Variants in PNPT1 observed in about 807,000 individuals in gnomAD.
The protein encoded by PNPT1 is polyribonucleotide nucleotidyltransferase 1, mitochondrial.
PNPT1 carries 53 observed loss-of-function variants against 119.5 expected under a neutral mutation model. The ratio of observed to expected loss-of-function variants is 0.44; its 90% CI spans 0.36 to 0.56. The LOEUF (loss-of-function observed/expected upper bound fraction) is 0.56, where lower values mean the gene tolerates loss of function less well. Among genes scored for constraint, PNPT1 ranks in the 20% least tolerant of loss-of-function variants. PNPT1 has a pLI of 0.00. For synonymous variants in PNPT1, 357 were observed against 322.1 expected, an observed-to-expected ratio of 1.11 and a Z score of -1.16; for missense variants, 948 against 938.5, an observed-to-expected ratio of 1.01 and a Z score of -0.13.
chr2:55,663,899 C>T (rs1696656196), intron 13 of PNPT1, among the ~76,000 whole-genome samples: 1 of 152,008 alleles, frequency 6.6e-6, no homozygotes, highest in Middle Eastern at 3.2e-3. Context: ...AGGAGAATGG[C>T]AGGGGCATGA....
At chr2:55,637,188 G>T (rs1392061364) in intron 27 of PNPT1, among the ~76,000 whole-genome samples, 1 of 152,130 alleles carries the variant, frequency 6.6e-6, no homozygotes, top group Admixed American at 6.5e-5. Context: ...TTTAAGTAGT[G>T]GAGAAACAAA....
At chr2:55,645,175 C>A (rs1398020438) in intron 22 of PNPT1, 174 bp downstream of exon 22, 1 of 426,376 alleles carries the variant, frequency 2.3e-6, no homozygotes, top group Admixed American at 4.2e-5. Context: ...AGGCGCCCGC[C>A]ACCACGCCCG....
chr2:55,647,953 T>C (rs1048784828), intron 18 of PNPT1, among the ~76,000 whole-genome samples: 2 of 152,246 alleles, frequency 1.3e-5, no homozygotes, highest in Non-Finnish European at 2.9e-5. Context: ...CCTAAAACAA[T>C]GTAAACAAGT....
intron 1 of PNPT1, among the ~76,000 whole-genome samples, chr2:55,691,504 C>T (rs1475827809): frequency 6.6e-6 from 1 of 152,146 alleles, no homozygotes; most frequent in Admixed American, 6.5e-5. Flanking sequence ...GTTATTTCAA[C>T]ACATGACACG....
chr2:55,660,263 A>G, intron 14 of PNPT1, 70 bp from the exon 15 acceptor site: 1 of 1,459,862 alleles, frequency 6.8e-7, no homozygotes, highest in East Asian at 2.4e-5. Flanking sequence ...ACACAACTAA[A>G]ACAGATTTAA....
rs1429529946 is a variant in PNPT1 at position 55,667,882 on chromosome 2, A to T, written c.1053T>A (p.Ile351=). ...NVVAKEVFRS[I]VLNEYKRCDG... ...TTTACCTTTTGTATTCATTCAAAACAATACTTCTAAAAACTTCCTTTGCAA... is the reference window on the plus strand; with the variant it reads ...TTTACCTTTTGTATTCATTCAAAACTATACTTCTAAAAACTTCCTTTGCAA... Residue 351 remains isoleucine (I), a synonymous_variant, in exon 12 of 28, where the codon ATT becomes ATA. Coordinates refer to ENST00000447944, the MANE Select transcript of PNPT1 (RefSeq NM_033109.5). 3.1e-6 allele frequency: 5 copies of T among 1,597,204 alleles called. No homozygotes were observed. Among genetic ancestry groups the T allele is most frequent in the Non-Finnish European group, 4.3e-6 (5 of 1,175,550 alleles).
At chr2:55,691,878 A>ATATATATATATTTTTTTTTTTTT (rs1326804958) in intron 1 of PNPT1, among the ~76,000 whole-genome samples, 1 of 33,124 alleles carries the variant, frequency 3.0e-5, no homozygotes, top group Non-Finnish European at 5.9e-5. Flanking sequence ...ATATATATAT[A>ATATATATATATTTTTTTTTTTTT]TTTTTTTTTT....
intron 21 of PNPT1, among the ~76,000 whole-genome samples, chr2:55,645,878 C>T (rs1018669439): frequency 7.9e-5 from 12 of 151,906 alleles, no homozygotes; most frequent in East Asian, 1.9e-4. Flanking sequence ...CCCAGGCTGG[C>T]GCGCAATGGC....
intron 15 of PNPT1, 83 bp downstream of exon 15, chr2:55,660,074 A>G: frequency 7.3e-7 from 1 of 1,374,680 alleles, no homozygotes; most frequent in Non-Finnish European, 9.8e-7. Context: ...ACTCCACTCC[A>G]GCCTGGACAA....
At chr2:55,668,960 T>C (rs1696823059) in intron 11 of PNPT1, among the ~76,000 whole-genome samples, 1 of 152,182 alleles carries the variant, frequency 6.6e-6, no homozygotes, top group Non-Finnish European at 1.5e-5. Context: ...AATCTGCAAA[T>C]TGGGGAAAAA....
intron 3 of PNPT1, among the ~76,000 whole-genome samples, chr2:55,685,432 G>A (rs1382198985): frequency 6.6e-6 from 1 of 152,130 alleles, no homozygotes; most frequent in Non-Finnish European, 1.5e-5. Context: ...GAAGGCTGAG[G>A]TGGGAGGATT....
Position 55,693,125 on chromosome 2 carries a change from T to G in PNPT1, c.161+538A>C, listed in dbSNP as rs139584901. On this transcript the variant is annotated intron_variant, in intron 1 of 27. Transcript: ENST00000447944. ...AGGTCTTAAACGAATATTTCCACAA[T>G]GTCTGTGAACTGGACCTGGTGTTCA... Among the ~76,000 whole-genome samples the G allele has an allele frequency of 2.3e-4, 35 of 152,276 alleles. No homozygotes were observed. In the East Asian group the frequency reaches 6.8e-3, roughly 29 times the overall value.
chr2:55,660,802 G>C (rs1696542042), intron 14 of PNPT1, among the ~76,000 whole-genome samples: 1 of 152,284 alleles, frequency 6.6e-6, no homozygotes, highest in Non-Finnish European at 1.5e-5. Context: ...ATAGACCTAA[G>C]ACTAGAATAT....
intron 14 of PNPT1, among the ~76,000 whole-genome samples, chr2:55,661,288 T>A (rs58772635): frequency 0.024 from 3,610 of 151,862 alleles, 149 homozygotes; most frequent in African/African-American, 0.082. Flanking sequence ...GGACGGAATT[T>A]CACCGTTTTA....
intron 8 of PNPT1, among the ~76,000 whole-genome samples, chr2:55,676,763 G>A (rs1332940876): frequency 2.6e-5 from 4 of 151,806 alleles, no homozygotes; most frequent in African/African-American, 9.7e-5. Context: ...TCAGGAGGCT[G>A]AGTCAAGAGA....
rs1249826298 is a variant in PNPT1, at chr2:55,640,632, G to C, written c.2143C>G (p.Arg715Gly). ...AATAACATCTGTCTTTTTACCTTTC[G>C]TTGATCAAGTTGTGTGTTATGAAGC... is the stretch of plus-strand genomic sequence containing the variant. ...VLLHNTQLDQ[R>G]KIKHPTALGL... Residue 715 changes from arginine to glycine, a missense_variant, in exon 26 of 28, where the codon CGA becomes GGA. Arg to Gly is a moderately radical substitution (Grantham distance 125). Transcript: ENST00000447944. The C allele has an allele frequency of 6.3e-7, 1 of 1,579,536 alleles. No individual in the cohort carries two copies. Among genetic ancestry groups the C allele is most frequent in the Non-Finnish European group, 8.7e-7 (1 of 1,150,084 alleles).
At chr2:55,656,509 T>C (rs1696393374) in intron 15 of PNPT1, 138 bp from the exon 16 acceptor site, 1 of 748,500 alleles carries the variant, frequency 1.3e-6, no homozygotes, top group Non-Finnish European at 2.1e-6. Flanking sequence ...TTCATAAATA[T>C]ACAGAAAACG....
rs545211211 is a variant in PNPT1, at chr2:55,668,028, T to C, written c.977-70A>G. On this transcript the variant is annotated intron_variant, in intron 11 of 27. Transcript: ENST00000447944. ...GGAGATAGGATTTCTCTAAAGTTCA[T>C]AGCATAATATCAACTAACTACGGGA... 5.9e-5 allele frequency: 78 copies of C among 1,323,268 alleles called. No individual in the cohort carries two copies. The South Asian group carries it at 8.8e-4, about 15-fold the overall frequency. The allele number at this position is 1,323,268 out of a possible 1,614,324, so 82.0% of individuals were successfully genotyped here. A position where few individuals can be genotyped will look rare whatever the true frequency, so the allele number is the denominator to read the frequency against.
At position 55,643,370 on chromosome 2, in the gene PNPT1, G is replaced by A. The variant is rs759543588; in HGVS notation, c.1962C>T (p.Pro654=). 3 of 1,614,158 alleles carry A rather than the reference G, an allele frequency of 1.9e-6. No individual in the cohort carries two copies. Among genetic ancestry groups the A allele is most frequent in the South Asian group, 2.2e-5 (2 of 91,084 alleles). Residue 654 remains proline (P), a synonymous_variant, in exon 24 of 28, where the codon CCC becomes CCT. Transcript: ENST00000447944. ...AGTCTCTTGCCTCATGCATAGCACT[G>A]GGTGTTGGTGCAAATACAGAAAACG... The part of the protein sequence containing the change: ...EETFSVFAPT[P]SAMHEARDFI...
Sources: allele counts gnomAD v4.1 joint callset (sites outside exome capture counted in the v4.1 genomes callset), GRCh38; gene constraint gnomAD v4.1.1; transcripts MANE v1.5; gene names NCBI Gene and HGNC (gene_info 2026-07-23, HGNC 2026-07-21).